The following TNR variants were observed in gnomAD, a reference collection of about 807,000 sequenced individuals.
TNR encodes tenascin-R.
In TNR, 45 loss-of-function variants were observed where a neutral mutation model predicts 150.4. The observed-to-expected ratio is 0.30, with a 90% CI of 0.24 to 0.38. The LOEUF (loss-of-function observed/expected upper bound fraction) is 0.38. Ranked by LOEUF, TNR falls within the 10% of genes least tolerant of loss-of-function variation. The pLI is 1.00. For missense variants in TNR, 1,544 were observed against 1,759.1 expected, an observed-to-expected ratio of 0.88 and a Z score of 2.19; for synonymous variants, 687 against 678.4, an observed-to-expected ratio of 1.01 and a Z score of -0.20.
intron 20 of TNR, among the ~76,000 whole-genome samples, chr1:175,334,989 G>A (rs1487795978): frequency 6.6e-6 from 1 of 152,186 alleles, no homozygotes; most frequent in Non-Finnish European, 1.5e-5. Flanking sequence ...AGGAGAAGAA[G>A]ATGAGATGAG....
intron 1 of TNR, among the ~76,000 whole-genome samples, chr1:175,632,845 C>T (rs947811536): frequency 6.6e-6 from 1 of 152,202 alleles, no homozygotes; most frequent in South Asian, 2.1e-4. Flanking sequence ...GTATCCATGA[C>T]TCAAATCCAG....
intron 1 of TNR, among the ~76,000 whole-genome samples, chr1:175,697,072 C>T (rs1308992231): frequency 6.6e-6 from 1 of 151,734 alleles, no homozygotes; most frequent in Admixed American, 6.6e-5. Flanking sequence ...ACCTGTTTAT[C>T]CCAAGCCTCT....
intron 2 of TNR, among the ~76,000 whole-genome samples, chr1:175,409,849 G>A (rs1251857671): frequency 7.3e-5 from 10 of 137,764 alleles, no homozygotes; most frequent in Admixed American, 3.9e-4. Context: ...TTGCATTCAA[G>A]TGTGTGTGGG....
At chr1:175,343,572 C>T (rs1448008623) in intron 18 of TNR, among the ~76,000 whole-genome samples, 1 of 152,158 alleles carries the variant, frequency 6.6e-6, no homozygotes, top group African/African-American at 2.4e-5. Flanking sequence ...ATTTACTTAG[C>T]TTTTGGTCAA....
intron 6 of TNR, 66 bp from the exon 7 acceptor site, chr1:175,391,504 A>G (rs1374836212): frequency 1.7e-5 from 26 of 1,535,642 alleles, no homozygotes; most frequent in Non-Finnish European, 1.9e-5. Context: ...TGATGAGAGA[A>G]AGATAAAGGT....
chr1:175,464,100 C>T (rs1656930390), intron 2 of TNR, among the ~76,000 whole-genome samples: 1 of 152,242 alleles, frequency 6.6e-6, no homozygotes, highest in African/African-American at 2.4e-5. Flanking sequence ...ACTTTCCTCA[C>T]AGGATCTAAG....
In TNR at chr1:175,651,748, G is replaced by C. The variant is rs1411469110; in HGVS notation, c.-165+91478C>G. ...CTAATATTATTGTGAGCCTAAAACTGCGTAAGGACAGTGCAAGAAGAACAA... is the reference window on the plus strand; with the variant it reads ...CTAATATTATTGTGAGCCTAAAACTCCGTAAGGACAGTGCAAGAAGAACAA... On this transcript the variant is annotated intron_variant, in intron 1 of 22. Transcript: ENST00000367674. 2.0e-5 allele frequency among the ~76,000 whole-genome samples: 3 copies of C among 151,950 alleles called. No individual in the cohort carries two copies. In the East Asian group the frequency reaches 5.8e-4, roughly 29 times the overall value.
chr1:175,361,867 G>A (rs964452790), intron 14 of TNR, among the ~76,000 whole-genome samples: 1 of 152,198 alleles, frequency 6.6e-6, no homozygotes, highest in East Asian at 1.9e-4. Context: ...TTGCTGAGGG[G>A]CCAGAGACGG....
rs114743610 is a variant in TNR at position 175,661,476 on chromosome 1, G to A, written c.-165+81750C>T. ...CAGGAACATCAAGGAAGACTTGGCCGGGGCAATGGGTTTGGGTTGGGCCTT... is the reference window on the plus strand; with the variant it reads ...CAGGAACATCAAGGAAGACTTGGCCAGGGCAATGGGTTTGGGTTGGGCCTT... On this transcript the variant is annotated intron_variant, in intron 1 of 22. Transcript: ENST00000367674. Among the ~76,000 whole-genome samples the A allele has an allele frequency of 5.7e-3, 869 of 152,232 alleles. 9 individuals carry two copies. The highest frequency in any genetic ancestry group is 0.02 in the African/African-American group (841 of 41,548).
intron 1 of TNR, among the ~76,000 whole-genome samples, chr1:175,699,558 A>G (rs761613228): frequency 2.6e-5 from 4 of 152,138 alleles, no homozygotes; most frequent in Non-Finnish European, 5.9e-5. Context: ...AGGGCTAAGC[A>G]GGCTAAGGAG....
At chr1:175,645,684 A>G (rs59520570) in intron 1 of TNR, among the ~76,000 whole-genome samples, 3,310 of 152,318 alleles carry the variant, frequency 0.022, 104 homozygotes, top group African/African-American at 0.073. Context: ...AATGAAGTTA[A>G]TATGGTCCAG....
intron 1 of TNR, among the ~76,000 whole-genome samples, chr1:175,741,875 C>T (rs537478147): frequency 4.2e-4 from 64 of 152,260 alleles, no homozygotes; most frequent in African/African-American, 1.5e-3. Flanking sequence ...AACCACCCCA[C>T]CTTGCCTATG....
chr1:175,693,816 C>T (rs1158708258), intron 1 of TNR, among the ~76,000 whole-genome samples: 7 of 152,302 alleles, frequency 4.6e-5, no homozygotes, highest in South Asian at 4.1e-4. Flanking sequence ...GTGTCCAGCA[C>T]GAGGGATGAT....
chr1:175,646,490 A>G (rs1289859317), intron 1 of TNR, among the ~76,000 whole-genome samples: 1 of 152,224 alleles, frequency 6.6e-6, no homozygotes, highest in Non-Finnish European at 1.5e-5. Flanking sequence ...TCCCTCTTGT[A>G]GGCTTCTTAC....
chr1:175,380,786 C>T (rs1652639415), intron 8 of TNR, among the ~76,000 whole-genome samples: 1 of 152,146 alleles, frequency 6.6e-6, no homozygotes, highest in African/African-American at 2.4e-5. Context: ...TAACGTGCTG[C>T]CCGGAACAAC....
chr1:175,330,002 CTTACGCCT>C, intron 21 of TNR, 64 bp downstream of exon 21: 1 of 1,401,340 alleles, frequency 7.1e-7, no homozygotes, highest in South Asian at 1.8e-5. Context: ...CCTGAGGCAG[CTTACGCCT>C]AGAATCTGGG....
intron 22 of TNR, 127 bp downstream of exon 22, chr1:175,324,229 T>C (rs73032426): frequency 0.012 from 13,675 of 1,095,996 alleles, 431 homozygotes; most frequent in African/African-American, 0.11. Flanking sequence ...ATTATTTTTC[T>C]CAAGACTCAA....
chr1:175,623,610 G>C (rs1181851122), intron 1 of TNR, among the ~76,000 whole-genome samples: 2 of 152,324 alleles, frequency 1.3e-5, no homozygotes, highest in African/African-American at 4.8e-5. Flanking sequence ...CCAGGCATTT[G>C]TATATACTGT....
At chr1:175,366,528 C>T (rs1233685167) in intron 10 of TNR, among the ~76,000 whole-genome samples, 1 of 152,236 alleles carries the variant, frequency 6.6e-6, no homozygotes. Context: ...CACCACCCTC[C>T]AACCCTGAGG....
Sources: allele counts gnomAD v4.1 joint callset (sites outside exome capture counted in the v4.1 genomes callset), GRCh38; gene constraint gnomAD v4.1.1; transcripts MANE v1.5; gene names NCBI Gene and HGNC (gene_info 2026-07-23, HGNC 2026-07-21).